STAU1: variants seen among roughly 807,000 people sequenced by gnomAD.
STAU1 encodes the protein staufen double-stranded RNA binding protein 1.
In STAU1, 13 loss-of-function variants were observed where a neutral mutation model predicts 62.9. That is an observed-to-expected ratio of 0.21 (90% CI 0.13 to 0.33). The LOEUF (loss-of-function observed/expected upper bound fraction) is 0.33, where lower values mean the gene tolerates loss of function less well. Among genes scored for constraint, STAU1 ranks in the 10% least tolerant of loss-of-function variants. The pLI is 1.00. For missense variants in STAU1, 571 were observed against 712.1 expected, an observed-to-expected ratio of 0.80 and a Z score of 2.25; for synonymous variants, 269 against 265.1, an observed-to-expected ratio of 1.01 and a Z score of -0.14.
chr20:49,206,414 GTTTTT>G, the STAU1 span, among the ~76,000 whole-genome samples: 1 of 76,596 alleles, frequency 1.3e-5, no homozygotes, highest in Non-Finnish European at 2.3e-5. Flanking sequence ...CTTCCTTCTG[GTTTTT>G]TTTTTTTTTT....
At chr20:49,127,424 G>C (rs559592069) in intron 6 of STAU1, among the ~76,000 whole-genome samples, 1 of 152,186 alleles carries the variant, frequency 6.6e-6, no homozygotes, top group Admixed American at 6.5e-5. Context: ...TAAAAAAGGG[G>C]GCCAGGTGCA....
intron 3 of STAU1, chr20:49,159,030 A>G: frequency 1.6e-6 from 2 of 1,278,682 alleles, no homozygotes; most frequent in Non-Finnish European, 2.0e-6. Flanking sequence ...TACAAACAAC[A>G]GCATGAACTC....
At chr20:49,219,025 A>AAAAAAAAAAAAAAAAC in the STAU1 span, among the ~76,000 whole-genome samples, 1 of 151,664 alleles carries the variant, frequency 6.6e-6, no homozygotes, top group African/African-American at 2.4e-5. Flanking sequence ...AAAAAAAAAA[A>AAAAAAAAAAAAAAAAC]AAAAAAAAAA....
At chr20:49,211,394 A>G in the STAU1 span, among the ~76,000 whole-genome samples, 1 of 149,854 alleles carries the variant, frequency 6.7e-6, no homozygotes, top group Non-Finnish European at 1.5e-5. Context: ...TAATAGAGGC[A>G]GGGTCTCTGT....
chr20:49,133,253 A>C (rs1431949228), intron 6 of STAU1, among the ~76,000 whole-genome samples: 1 of 152,222 alleles, frequency 6.6e-6, no homozygotes, highest in Admixed American at 6.5e-5. Context: ...GCAATCTCTA[A>C]GTTTCCAGAA....
chr20:49,211,518 CT>C, the STAU1 span, among the ~76,000 whole-genome samples: 1 of 151,226 alleles, frequency 6.6e-6, no homozygotes, highest in Non-Finnish European at 1.5e-5. Context: ...TTTTTCTTTT[CT>C]TTTTTGGAAA....
At chr20:49,116,997 C>T (rs1227693253) in intron 12 of STAU1, 129 bp downstream of exon 12, 51 of 1,208,408 alleles carry the variant, frequency 4.2e-5, no homozygotes, top group Non-Finnish European at 5.4e-5. Flanking sequence ...CACTATCAAA[C>T]GATTCATTGC....
At chr20:49,143,083 G>C (rs1024194413) in intron 5 of STAU1, among the ~76,000 whole-genome samples, 2 of 152,074 alleles carry the variant, frequency 1.3e-5, no homozygotes, top group African/African-American at 4.8e-5. Context: ...TTATAGGAGT[G>C]AGCCACCGTG....
the STAU1 span, among the ~76,000 whole-genome samples, chr20:49,204,029 T>C: frequency 6.6e-6 from 1 of 152,238 alleles, no homozygotes; most frequent in Non-Finnish European, 1.5e-5. Flanking sequence ...CATTTAATAA[T>C]TGCTGTTTAT....
chr20:49,124,676 AG>A, intron 6 of STAU1, 89 bp from the exon 7 acceptor site: 1 of 1,361,568 alleles, frequency 7.3e-7, no homozygotes, highest in South Asian at 1.2e-5. Context: ...ACACAGACAC[AG>A]GGAAGGGGAA....
intron 6 of STAU1, among the ~76,000 whole-genome samples, chr20:49,127,215 G>A (rs1411374298): frequency 6.6e-6 from 1 of 151,910 alleles, no homozygotes; most frequent in Admixed American, 6.6e-5. Flanking sequence ...TTAGCTGGGC[G>A]TGGTGGCGGG....
chr20:49,123,319 A>C, intron 7 of STAU1, 84 bp from the exon 8 acceptor site: 1 of 1,595,540 alleles, frequency 6.3e-7, no homozygotes, highest in Non-Finnish European at 8.6e-7. Flanking sequence ...ATGAGAGGAG[A>C]TAAGAGATTT....
chr20:49,213,737 C>A, the STAU1 span, among the ~76,000 whole-genome samples: 1 of 152,212 alleles, frequency 6.6e-6, no homozygotes, highest in East Asian at 1.9e-4. Context: ...GTCCTCCCAA[C>A]AGCCATATAA....
At chr20:49,175,643 C>T (rs1173308377) in intron 1 of STAU1, among the ~76,000 whole-genome samples, 1 of 151,394 alleles carries the variant, frequency 6.6e-6, no homozygotes, top group East Asian at 2.0e-4. Context: ...CCACGCCTGG[C>T]TAATTTTTTT....
the STAU1 span, among the ~76,000 whole-genome samples, chr20:49,205,862 C>T: frequency 2.0e-5 from 3 of 150,176 alleles, no homozygotes; most frequent in East Asian, 2.0e-4. Context: ...TTAGTAGAGA[C>T]GGGGTTTCTC....
At chr20:49,150,845 A>G (rs994175380) in intron 5 of STAU1, among the ~76,000 whole-genome samples, 4 of 152,148 alleles carry the variant, frequency 2.6e-5, no homozygotes, top group Admixed American at 6.5e-5. Context: ...ACCAGCCACC[A>G]TAACATGAAG....
At chr20:49,176,158 C>G (rs1440763421) in intron 1 of STAU1, among the ~76,000 whole-genome samples, 1 of 152,184 alleles carries the variant, frequency 6.6e-6, no homozygotes, top group Non-Finnish European at 1.5e-5. Flanking sequence ...GATTTTCAAA[C>G]CTGTGTTTTC....
At chr20:49,198,829 G>A in the STAU1 span, among the ~76,000 whole-genome samples, 1 of 152,160 alleles carries the variant, frequency 6.6e-6, no homozygotes, top group Non-Finnish European at 1.5e-5. Context: ...TGGGCATGGT[G>A]GCATGTGCCT....
the STAU1 span, among the ~76,000 whole-genome samples, chr20:49,213,525 G>A: frequency 6.6e-6 from 1 of 152,270 alleles, no homozygotes; most frequent in South Asian, 2.1e-4. Context: ...ACCGCGCCTG[G>A]CCTATTTGCT....
Sources: allele counts gnomAD v4.1 joint callset (sites outside exome capture counted in the v4.1 genomes callset), GRCh38; gene constraint gnomAD v4.1.1; transcripts MANE v1.5; gene names NCBI Gene and HGNC (gene_info 2026-07-23, HGNC 2026-07-21).